Variants in MLLT3 observed in about 807,000 individuals in gnomAD.
The protein encoded by MLLT3 is protein AF-9.
MLLT3 carries 4 observed loss-of-function variants against 53.2 expected under a neutral mutation model. The ratio of observed to expected loss-of-function variants is 0.08; its 90% CI spans 0.04 to 0.17. The LOEUF is 0.17. Among genes scored for constraint, MLLT3 ranks in the 10% least tolerant of loss-of-function variants. The pLI is 1.00. For missense variants in MLLT3, 569 were observed against 684.0 expected (o/e 0.83, Z 1.87); for synonymous variants, 283 against 230.6 (o/e 1.23, Z -2.06).
chr9:20,514,946 T>TG (rs1817868514), intron 2 of MLLT3, among the ~76,000 whole-genome samples: 1 of 143,358 alleles, frequency 7.0e-6, no homozygotes, highest in African/African-American at 2.6e-5. Flanking sequence ...ACAATTTTTT[T>TG]TTTTTTTTTT....
chr9:20,499,491 A>G (rs1026081649), intron 2 of MLLT3, among the ~76,000 whole-genome samples: 1 of 152,028 alleles, frequency 6.6e-6, no homozygotes, highest in African/African-American at 2.4e-5. Flanking sequence ...CATTGTCTTT[A>G]AAAAAAACAC....
At chr9:20,354,988 T>G (rs1177584928) in intron 8 of MLLT3, 109 bp from the exon 9 acceptor site, 4 of 639,430 alleles carry the variant, frequency 6.3e-6, no homozygotes, top group African/African-American at 3.7e-5. Context: ...AACATTTGCT[T>G]TCCAAATAGC....
intron 2 of MLLT3, among the ~76,000 whole-genome samples, chr9:20,480,632 T>C (rs1170028637): frequency 6.6e-6 from 1 of 152,190 alleles, no homozygotes; most frequent in Non-Finnish European, 1.5e-5. Flanking sequence ...TTCAGAGCAA[T>C]TTTGCTCTTC....
chr9:20,403,203 T>C (rs997239007), intron 5 of MLLT3, among the ~76,000 whole-genome samples: 2 of 152,188 alleles, frequency 1.3e-5, no homozygotes, highest in East Asian at 1.9e-4. Context: ...ATTCAAGTTG[T>C]TGAATGAGAT....
At chr9:20,510,428 T>C (rs199636730) in intron 2 of MLLT3, among the ~76,000 whole-genome samples, 12 of 151,966 alleles carry the variant, frequency 7.9e-5, no homozygotes, top group South Asian at 2.1e-4. Flanking sequence ...CTGGCCAACA[T>C]GGTGAAACCT....
In MLLT3 at chr9:20,365,727, A is replaced by T; in HGVS notation, c.1143T>A (p.Pro381=). Reference sequence around the variant, plus strand: ...AGCTGGAGCTGGAGCTGGAGCTGGCAGGACTGGGTTGTTCAGACTTTAAAG... The same window carrying T: ...AGCTGGAGCTGGAGCTGGAGCTGGCTGGACTGGGTTGTTCAGACTTTAAAG... ...SSKSDSEQPS[P]ASSSSSSSSS... is the part of the protein sequence containing the mutation. Residue 381 remains proline, a synonymous_variant, in exon 6 of 11, where the codon CCT becomes CCA. Coordinates refer to ENST00000380338, the MANE Select transcript of MLLT3 (RefSeq NM_004529.4). 6.2e-7 allele frequency: 1 copy of T among 1,614,210 alleles called. No individual in the cohort carries two copies. Among genetic ancestry groups the T allele is most frequent in the Non-Finnish European group, 8.5e-7 (1 of 1,180,018 alleles).
intron 2 of MLLT3, among the ~76,000 whole-genome samples, chr9:20,593,138 C>T (rs1318419988): frequency 6.6e-6 from 1 of 152,064 alleles, no homozygotes; most frequent in African/African-American, 2.4e-5. Context: ...CTTCAGAAGC[C>T]ACAAGCATAT....
chr9:20,613,959 C>T (rs1820762021), intron 2 of MLLT3, among the ~76,000 whole-genome samples: 1 of 152,128 alleles, frequency 6.6e-6, no homozygotes, highest in South Asian at 2.1e-4. Flanking sequence ...CAGCACTATT[C>T]ATAACAAATC....
intron 4 of MLLT3, among the ~76,000 whole-genome samples, chr9:20,439,306 C>T (rs533718208): frequency 7.2e-5 from 11 of 151,966 alleles, no homozygotes; most frequent in South Asian, 4.2e-4. Context: ...CAGTTATCCG[C>T]GATGGCACCA....
chr9:20,518,518 A>G (rs1817973674), intron 2 of MLLT3, among the ~76,000 whole-genome samples: 1 of 152,242 alleles, frequency 6.6e-6, no homozygotes, highest in Admixed American at 6.5e-5. Context: ...GCAAAATTTT[A>G]AGCACAAACA....
rs545302269 is a variant in MLLT3, at chr9:20,384,933, T to C, written c.1126-19189A>G. ...GGGCTTCTGAAGTCCAGAGACACTG[T>C]TATGTGGTGGTCTAGATTATCTGGT... On this transcript the variant is annotated intron_variant, in intron 5 of 10. Coordinates refer to ENST00000380338, the MANE Select transcript of MLLT3 (RefSeq NM_004529.4). 8.7e-4 allele frequency among the ~76,000 whole-genome samples: 132 copies of C among 152,204 alleles called. 1 individual carries two copies. Among genetic ancestry groups the C allele is most frequent in the Non-Finnish European group, 1.3e-3 (86 of 67,972 alleles).
At chr9:20,466,145 C>T (rs1824233118) in intron 2 of MLLT3, among the ~76,000 whole-genome samples, 1 of 151,826 alleles carries the variant, frequency 6.6e-6, no homozygotes, top group Non-Finnish European at 1.5e-5. Flanking sequence ...TGCTTGGGAT[C>T]AGAGGTTGAT....
chr9:20,346,292 T>G lies in MLLT3; in HGVS notation c.*151A>C, dbSNP rs151330089. The stretch of plus-strand genomic sequence containing the variant: ...GACTGGCTTTAAAGAAAAATAAAGC[T>G]GAAGGTTGTTTGATTTTTATTTTTT... On this transcript the variant is annotated 3_prime_UTR_variant, in exon 11 of 11. Coordinates refer to ENST00000380338, the MANE Select transcript of MLLT3 (RefSeq NM_004529.4). 3.7e-5 allele frequency: 31 copies of G among 828,334 alleles called. No individual in the cohort carries two copies. The East Asian group carries it at 8.8e-4, about 24-fold the overall frequency. The allele number at this position is 828,334 out of a possible 1,614,324, so 51.3% of individuals were successfully genotyped here.
intron 2 of MLLT3, among the ~76,000 whole-genome samples, chr9:20,589,860 G>A (rs975361470): frequency 2.6e-5 from 4 of 151,816 alleles, no homozygotes; most frequent in East Asian, 1.9e-4. Context: ...ACAGGTGCCC[G>A]CCACTGTGCC....
intron 4 of MLLT3, among the ~76,000 whole-genome samples, chr9:20,439,305 G>A (rs192206779): frequency 3.9e-5 from 6 of 152,028 alleles, no homozygotes; most frequent in Admixed American, 2.6e-4. Flanking sequence ...GCAGTTATCC[G>A]CGATGGCACC....
intron 2 of MLLT3, among the ~76,000 whole-genome samples, chr9:20,607,910 A>G (rs1820608548): frequency 6.6e-6 from 1 of 152,050 alleles, no homozygotes; most frequent in Non-Finnish European, 1.5e-5. Flanking sequence ...CATTGTATAT[A>G]AAACATAAAA....
intron 2 of MLLT3, among the ~76,000 whole-genome samples, chr9:20,584,079 G>C (rs868664092): frequency 3.9e-5 from 6 of 152,138 alleles, no homozygotes; most frequent in Non-Finnish European, 5.9e-5. Flanking sequence ...TTGCTGCTTA[G>C]AAATTTTTTC....
chr9:20,446,997 A>G (rs1823722549), intron 4 of MLLT3, among the ~76,000 whole-genome samples: 1 of 152,180 alleles, frequency 6.6e-6, no homozygotes, highest in South Asian at 2.1e-4. Context: ...AATGCTTCAA[A>G]TGCATATTCA....
intron 2 of MLLT3, among the ~76,000 whole-genome samples, chr9:20,565,885 C>A (rs1819341719): frequency 7.0e-6 from 1 of 142,880 alleles, no homozygotes; most frequent in African/African-American, 2.6e-5. Context: ...TCCTCACTTC[C>A]TCCTTCCTCC....
Sources: gnomAD v4.1 joint callset for allele counts (sites outside exome capture counted in the v4.1 genomes callset) on GRCh38, gnomAD v4.1.1 for gene constraint, MANE v1.5 for transcripts, NCBI Gene and HGNC (gene_info 2026-07-23, HGNC 2026-07-21) for gene names.